KIF6: variants seen among roughly 807,000 people sequenced by gnomAD.
KIF6 encodes the protein kinesin family member 6.
KIF6 carries 106 observed loss-of-function variants against 112.7 expected under a neutral mutation model. That is an observed-to-expected ratio of 0.94 (90% CI 0.80 to 1.11). The LOEUF is 1.11. Ranked by LOEUF, KIF6 falls within the 50% of genes least tolerant of loss-of-function variation. KIF6 has a pLI of 0.00. For missense variants in KIF6, 929 were observed against 964.0 expected (o/e 0.96, Z 0.48); for synonymous variants, 339 against 339.9 (o/e 1.00, Z 0.03).
At position 39,396,987 on chromosome 6, in the gene KIF6, G is replaced by A. The variant is rs140109314; in HGVS notation, c.1811-11315C>T. ...TTCAGGCCTAAATTAACAAGTTATC[G>A]TGGGCCCAGCAGACTTTGCTGAAGT... On this transcript the variant is annotated intron_variant, in intron 15 of 22. Coordinates refer to ENST00000287152, the MANE Select transcript of KIF6 (RefSeq NM_145027.6). Among the ~76,000 whole-genome samples, 436 of 152,128 alleles carry A rather than the reference G, an allele frequency of 2.9e-3. 1 individual carries two copies. Among genetic ancestry groups the A allele is most frequent in the African/African-American group, 9.2e-3 (382 of 41,480 alleles).
intron 13 of KIF6, among the ~76,000 whole-genome samples, chr6:39,533,815 T>A (rs984773805): frequency 6.6e-6 from 1 of 152,040 alleles, no homozygotes; most frequent in Non-Finnish European, 1.5e-5. Context: ...CACCCCCCAA[T>A]AGGGGCAGAC....
chr6:39,397,730 G>A (rs1363013791), intron 15 of KIF6, among the ~76,000 whole-genome samples: 2 of 152,046 alleles, frequency 1.3e-5, no homozygotes, highest in African/African-American at 2.4e-5. Context: ...TGAAGCTTTG[G>A]GAGATGAGGG....
chr6:39,445,601 G>A (rs1438570322), intron 13 of KIF6, among the ~76,000 whole-genome samples: 1 of 152,214 alleles, frequency 6.6e-6, no homozygotes, highest in African/African-American at 2.4e-5. Context: ...GGCAGGTGAA[G>A]CAGATAGACA....
In KIF6 at chr6:39,465,936, C is replaced by T. The variant is rs559355315; in HGVS notation, c.1646-34775G>A. On this transcript the variant is annotated intron_variant, in intron 13 of 22. Transcript: ENST00000287152. ...ATAGGCAGCTAAAATATTGCTGCCC[C>T]TGAAGCCCACTTTAATTCTTCCTGG... Among the ~76,000 whole-genome samples the T allele has an allele frequency of 2.0e-5, 3 of 152,302 alleles. No individual in the cohort carries two copies. In the South Asian group the frequency reaches 6.2e-4, roughly 32 times the overall value.
chr6:39,384,397 C>G (rs1414788944), intron 16 of KIF6, among the ~76,000 whole-genome samples: 1 of 152,176 alleles, frequency 6.6e-6, no homozygotes, highest in East Asian at 1.9e-4. Flanking sequence ...CAGCCTGGCT[C>G]TTTGTTGAAG....
chr6:39,721,315 C>T (rs1365242062), intron 1 of KIF6, among the ~76,000 whole-genome samples: 1 of 152,174 alleles, frequency 6.6e-6, no homozygotes, highest in African/African-American at 2.4e-5. Context: ...GAGACATTTT[C>T]AGGCATTTGA....
chr6:39,616,352 C>A (rs1783519212), intron 5 of KIF6, among the ~76,000 whole-genome samples: 1 of 152,180 alleles, frequency 6.6e-6, no homozygotes, highest in African/African-American at 2.4e-5. Context: ...TCATAGAACT[C>A]TCGGCTATCT....
chr6:39,580,789 T>G (rs1781243720), intron 9 of KIF6, among the ~76,000 whole-genome samples: 1 of 152,158 alleles, frequency 6.6e-6, no homozygotes, highest in South Asian at 2.1e-4. Flanking sequence ...ACCCTGTACT[T>G]AAGAAATAGA....
At chr6:39,582,712 G>A in intron 9 of KIF6, among the ~76,000 whole-genome samples, 1 of 152,078 alleles carries the variant, frequency 6.6e-6, no homozygotes, top group Admixed American at 6.5e-5. Flanking sequence ...ACCGTGCCTG[G>A]CCTGAGGTAC....
At chr6:39,393,338 C>T (rs758290232) in intron 15 of KIF6, among the ~76,000 whole-genome samples, 4 of 152,186 alleles carry the variant, frequency 2.6e-5, no homozygotes, top group Admixed American at 6.5e-5. Flanking sequence ...ACTGTGTAAC[C>T]TCCTGCAAGT....
chr6:39,680,434 T>C (rs1787446301), intron 3 of KIF6, among the ~76,000 whole-genome samples: 1 of 152,210 alleles, frequency 6.6e-6, no homozygotes, highest in Non-Finnish European at 1.5e-5. Flanking sequence ...CACTGACTGG[T>C]TTAGATAGGC....
rs61748649 is a variant in KIF6, at chr6:39,431,155, C to T, written c.1652G>A (p.Arg551Lys). The change falls in exon 14 of 23, where the codon AGA becomes AAA. Residue 551 changes from arginine (R) to lysine (K), a missense_variant. Around this residue, in one of 2 missense-constraint regions of KIF6, gnomAD observed 688 missense variants for 662.7 expected, o/e 1.04. Coordinates refer to ENST00000287152, the MANE Select transcript of KIF6 (RefSeq NM_145027.6). ...SSLLHKKIGM[R>K]EEMSLGCQEA... ...CTGGCATCCTAATGACATTTCCTCT[C>T]TCATTCCTGTTTGGAGACACAGGGA... is the stretch of plus-strand genomic sequence containing the variant. The T allele has an allele frequency of 0.027, 42,389 of 1,593,324 alleles. 706 individuals are homozygous for T. Among genetic ancestry groups the T allele is most frequent in the Non-Finnish European group, 0.029 (33,239 of 1,161,258 alleles).
intron 14 of KIF6, among the ~76,000 whole-genome samples, chr6:39,422,315 G>A (rs1382191047): frequency 6.6e-6 from 1 of 152,204 alleles, no homozygotes; most frequent in East Asian, 1.9e-4. Flanking sequence ...GGGCCTGGCA[G>A]AGGGAGCCGC....
intron 15 of KIF6, among the ~76,000 whole-genome samples, chr6:39,390,976 T>C (rs1767835125): frequency 6.6e-6 from 1 of 152,182 alleles, no homozygotes; most frequent in African/African-American, 2.4e-5. Flanking sequence ...AACAGGAGGA[T>C]GTAAATTCTT....
At chr6:39,390,851 A>T (rs1192170037) in intron 15 of KIF6, among the ~76,000 whole-genome samples, 1 of 152,176 alleles carries the variant, frequency 6.6e-6, no homozygotes, top group Non-Finnish European at 1.5e-5. Context: ...TTTTGGTACT[A>T]ACATGGAGGA....
rs73731800 is a variant in KIF6, at chr6:39,352,025, A to G, written c.2180+5252T>C. Among the ~76,000 whole-genome samples the G allele has an allele frequency of 2.1e-3, 323 of 152,378 alleles. 1 individual carries two copies. Among genetic ancestry groups the G allele is most frequent in the African/African-American group, 7.0e-3 (292 of 41,594 alleles). ...CCCAGGTGAATGCATGGAGTGGGCCAGGTGCAGGGCACAAATGCTAAGCTG... is the reference window on the plus strand; with the variant it reads ...CCCAGGTGAATGCATGGAGTGGGCCGGGTGCAGGGCACAAATGCTAAGCTG... On this transcript the variant is annotated intron_variant, in intron 19 of 22. Transcript: ENST00000287152.
intron 13 of KIF6, among the ~76,000 whole-genome samples, chr6:39,433,467 C>G (rs1382416332): frequency 6.6e-6 from 1 of 152,160 alleles, no homozygotes; most frequent in Non-Finnish European, 1.5e-5. Context: ...GGGAAAGTTA[C>G]ACTGGAAGGA....
intron 15 of KIF6, among the ~76,000 whole-genome samples, chr6:39,395,847 A>T (rs550435394): frequency 8.5e-5 from 13 of 152,216 alleles, no homozygotes; most frequent in Non-Finnish European, 1.8e-4. Context: ...AGGGACATAA[A>T]ATCAACCCCA....
rs544193307 is a variant in KIF6, at chr6:39,595,803, A to G, written c.846+251T>C. ...AGTAGAGATGACCAGGGACTAGAGTATAGGGGAATGGGGATATTCTGTCTG... is the reference window on the plus strand; with the variant it reads ...AGTAGAGATGACCAGGGACTAGAGTGTAGGGGAATGGGGATATTCTGTCTG... On this transcript the variant is annotated intron_variant, in intron 7 of 22. Coordinates refer to ENST00000287152, the MANE Select transcript of KIF6 (RefSeq NM_145027.6). Among the ~76,000 whole-genome samples the G allele has an allele frequency of 5.9e-5, 9 of 152,318 alleles. 1 individual carries two copies. In the South Asian group the frequency reaches 1.7e-3, roughly 28 times the overall value.
Sources: gnomAD v4.1 joint callset for allele counts (sites outside exome capture counted in the v4.1 genomes callset) on GRCh38, gnomAD v4.1.1 for gene constraint, gnomAD v4.1.1 regional missense constraint, MANE v1.5 for transcripts, NCBI Gene and HGNC (gene_info 2026-07-23, HGNC 2026-07-21) for gene names.